Variants in GUF1 observed in about 807,000 individuals in gnomAD.
GUF1 encodes the protein GTP binding elongation factor GUF1, also known as translation factor GUF1, mitochondrial.
GUF1 carries 78 observed loss-of-function variants against 82.4 expected under a neutral mutation model. That is an observed-to-expected ratio of 0.95 (90% CI 0.79 to 1.14). The LOEUF is 1.14. Ranked by LOEUF, GUF1 falls within the 50% of genes most tolerant of loss-of-function variation. The pLI is 0.00. For synonymous variants in GUF1, 279 were observed against 282.3 expected (o/e 0.99, Z 0.12); for missense variants, 814 against 798.2 (o/e 1.02, Z -0.24).
chr4:44,679,669 T>C (rs1387562176), intron 1 of GUF1, among the ~76,000 whole-genome samples: 1 of 152,166 alleles, frequency 6.6e-6, no homozygotes, highest in African/African-American at 2.4e-5. Context: ...TTATTATCTG[T>C]CTTTATGGGG....
intron 11 of GUF1, 134 bp downstream of exon 11, chr4:44,690,109 A>C (rs1715339910): frequency 1.9e-6 from 1 of 525,148 alleles, no homozygotes; most frequent in Non-Finnish European, 3.0e-6. Flanking sequence ...CAAAATATTT[A>C]TTGATTAGTA....
intron 8 of GUF1, among the ~76,000 whole-genome samples, 175 bp downstream of exon 8, chr4:44,686,888 C>A (rs981214421): frequency 1.3e-5 from 2 of 151,910 alleles, no homozygotes; most frequent in East Asian, 3.9e-4. Context: ...ACAATAGAAA[C>A]GTCAGTTGAT....
At chr4:44,680,606 C>G (rs916385164) in intron 2 of GUF1, 54 bp downstream of exon 2, 1 of 1,438,724 alleles carries the variant, frequency 7.0e-7, no homozygotes, top group Non-Finnish European at 9.4e-7. Context: ...TTGGGAATTA[C>G]TTTTACTCTT....
At chr4:44,688,194 C>G (rs777669483) in intron 9 of GUF1, 48 bp downstream of exon 9, 14 of 1,552,700 alleles carry the variant, frequency 9.0e-6, no homozygotes, top group Non-Finnish European at 1.2e-5. Context: ...TATTTTTAAA[C>G]TAAAAGTCTG....
chr4:44,695,549 G>T (rs1301785908), intron 14 of GUF1, 66 bp from the exon 15 acceptor site: 2 of 1,400,646 alleles, frequency 1.4e-6, no homozygotes, highest in East Asian at 4.6e-5. Context: ...TTATGCAACT[G>T]GCCTAGAAAA....
chr4:44,685,104 A>G (rs545050243), intron 6 of GUF1, among the ~76,000 whole-genome samples: 17 of 152,158 alleles, frequency 1.1e-4, no homozygotes, highest in Non-Finnish European at 1.9e-4. Flanking sequence ...AAGCTGATGG[A>G]CAGCATCAAG....
At chr4:44,693,629 C>T (rs1715589613) in intron 13 of GUF1, among the ~76,000 whole-genome samples, 1 of 152,122 alleles carries the variant, frequency 6.6e-6, no homozygotes, top group Admixed American at 6.5e-5. Context: ...GTCCAGGCAC[C>T]AATTGTTTTA....
intron 4 of GUF1, among the ~76,000 whole-genome samples, chr4:44,681,885 C>T (rs1313465108): frequency 1.3e-5 from 2 of 152,018 alleles, no homozygotes; most frequent in Non-Finnish European, 2.9e-5. Flanking sequence ...CTCTAATAAG[C>T]TTTGAGGTCC....
At chr4:44,684,259 A>G (rs536720951) in intron 6 of GUF1, among the ~76,000 whole-genome samples, 3 of 152,286 alleles carry the variant, frequency 2.0e-5, no homozygotes, top group South Asian at 2.1e-4. Context: ...AGACGTTATG[A>G]CATGGAATAA....
chr4:44,691,812 T>A lies in GUF1; in HGVS notation c.1613+13T>A, dbSNP rs748926750. The A allele has an allele frequency of 8.9e-6, 14 of 1,571,316 alleles. No individual in the cohort carries two copies. Among genetic ancestry groups the A allele is most frequent in the Admixed American group, 5.7e-5 (3 of 53,064 alleles). The stretch of plus-strand genomic sequence containing the variant: ...CTGGATATGCTAGGTAAAAAAATAA[T>A]GAGAACCTAAGATGCCTGACCAACT... On this transcript the variant is annotated intron_variant, in intron 13 of 16. Transcript: ENST00000281543.
rs761495100 is a variant in GUF1, at chr4:44,697,480, T to A, written c.1872+36T>A. 1.2e-5 allele frequency: 14 copies of A among 1,134,044 alleles called. No homozygotes were observed. In the Admixed American group the frequency reaches 2.9e-4, roughly 24 times the overall value. 70.2% of individuals were successfully genotyped at this position (1,134,044 alleles called of 1,614,324 possible). A position where few individuals can be genotyped will look rare whatever the true frequency, so the allele number is the denominator to read the frequency against. Reference sequence around the variant, plus strand: ...AGTTGTATTTATTCTACTTTATAACTTTTATGGGCTTTAAATCAAAGGGGG... The same window carrying A: ...AGTTGTATTTATTCTACTTTATAACATTTATGGGCTTTAAATCAAAGGGGG... On this transcript the variant is annotated intron_variant, in intron 16 of 16. Transcript: ENST00000281543.
At chr4:44,687,986 G>A (rs1239043798) in intron 8 of GUF1, 21 bp from the exon 9 acceptor site, 1 of 1,599,668 alleles carries the variant, frequency 6.3e-7, no homozygotes, top group Non-Finnish European at 8.5e-7. Flanking sequence ...GTAAATATTT[G>A]CATATAATAA....
At chr4:44,696,705 G>T (rs1018032734) in intron 15 of GUF1, among the ~76,000 whole-genome samples, 9 of 152,138 alleles carry the variant, frequency 5.9e-5, no homozygotes, top group African/African-American at 2.2e-4. Context: ...ACACTGTTTT[G>T]CTTTGGTTAG....
At position 44,690,359 on chromosome 4, in the gene GUF1, G is replaced by T. The variant is rs1001937208; in HGVS notation, c.1336-358G>T. On this transcript the variant is annotated intron_variant, in intron 11 of 16. Coordinates refer to ENST00000281543, the MANE Select transcript of GUF1 (RefSeq NM_021927.3). ...AGTGAAGCATTCATTCTGGTGACTG[G>T]GAAATTTTAAATTTCAAATCAGTGA... Among the ~76,000 whole-genome samples the T allele has an allele frequency of 4.6e-5, 7 of 151,648 alleles. No individual in the cohort carries two copies. The South Asian group carries it at 1.5e-3, about 32-fold the overall frequency.
Position 44,686,023 on chromosome 4 carries a change from C to T in GUF1, c.734C>T (p.Pro245Leu), listed in dbSNP as rs116799930. 22 of 1,596,478 alleles carry T rather than the reference C, an allele frequency of 1.4e-5. No homozygotes were observed. The East Asian group carries it at 2.5e-4, about 18-fold the overall frequency. Reference protein sequence around the residue: ...VLQAIIERIPPPKVHRKNPLR... With the variant: ...VLQAIIERIPLPKVHRKNPLR... ...CAGGCAATTATTGAAAGAATCCCCC[C>T]GTGAGTATTTGGTGATTTTTGTACT... Residue 245 changes from proline (P) to leucine (L), a missense_variant and splice_region_variant, in exon 7 of 17, where the codon CCT becomes CTT. Pro to Leu is a moderately conservative substitution (Grantham distance 98). Transcript: ENST00000281543.
chr4:44,683,189 A>G (rs1357906382), intron 5 of GUF1, 46 bp from the exon 6 acceptor site: 2 of 1,184,700 alleles, frequency 1.7e-6, no homozygotes, highest in Non-Finnish European at 2.4e-6. Context: ...TACATAATAC[A>G]TCTTATCTTT....
intron 13 of GUF1, chr4:44,693,816 G>A (rs1715602211): frequency 6.6e-6 from 1 of 152,174 alleles, no homozygotes; most frequent in South Asian, 2.1e-4. Flanking sequence ...AAGTGCTTGT[G>A]TGTGCTAAGC....
intron 1 of GUF1, among the ~76,000 whole-genome samples, chr4:44,679,053 A>T (rs1035705168): frequency 1.7e-4 from 26 of 152,304 alleles, no homozygotes; most frequent in African/African-American, 6.3e-4. Context: ...CACTGGTCGA[A>T]GTGCTTTGCG....
At chr4:44,696,665 C>T (rs1560349982) in intron 15 of GUF1, among the ~76,000 whole-genome samples, 1 of 152,096 alleles carries the variant, frequency 6.6e-6, no homozygotes, top group Non-Finnish European at 1.5e-5. Context: ...TAATTTTAGG[C>T]CCACTGTTTG....
Sources: gnomAD v4.1 joint callset for allele counts (sites outside exome capture counted in the v4.1 genomes callset) on GRCh38, gnomAD v4.1.1 for gene constraint, MANE v1.5 for transcripts, NCBI Gene and HGNC (gene_info 2026-07-23, HGNC 2026-07-21) for gene names.